The following USP15 variants were observed in gnomAD, a reference collection of about 807,000 sequenced individuals.
USP15 encodes the protein ubiquitin carboxyl-terminal hydrolase 15.
USP15 carries 18 observed loss-of-function variants against 127.1 expected under a neutral mutation model. The observed-to-expected ratio is 0.14, with a 90% confidence interval of 0.10 to 0.21. The LOEUF (loss-of-function observed/expected upper bound fraction) is 0.21, where lower values mean the gene tolerates loss of function less well. Ranked by LOEUF, USP15 falls within the 10% of genes least tolerant of loss-of-function variation. The pLI is 1.00. For missense variants in USP15, 805 were observed against 1,159.9 expected (o/e 0.69, Z 4.44); for synonymous variants, 364 against 393.7 (o/e 0.92, Z 0.89).
At chr12:62,342,872 C>A (rs894475252) in intron 6 of USP15, among the ~76,000 whole-genome samples, 26 of 152,168 alleles carry the variant, frequency 1.7e-4, no homozygotes, top group Non-Finnish European at 3.5e-4. Flanking sequence ...GCAGGAGACA[C>A]GGGATCAGGG....
intron 8 of USP15, among the ~76,000 whole-genome samples, chr12:62,378,146 G>A (rs189051081): frequency 4.6e-5 from 7 of 152,312 alleles, no homozygotes; most frequent in African/African-American, 1.4e-4. Context: ...GGTGGAGGTT[G>A]CAGTGAGCCA....
At chr12:62,322,554 A>G (rs1053335002) in intron 5 of USP15, among the ~76,000 whole-genome samples, 1 of 152,130 alleles carries the variant, frequency 6.6e-6, no homozygotes, top group African/African-American at 2.4e-5. Flanking sequence ...CTCAGCCCTT[A>G]TCTTTCATAG....
At chr12:62,368,014 G>T (rs1250946893) in intron 8 of USP15, among the ~76,000 whole-genome samples, 1 of 152,090 alleles carries the variant, frequency 6.6e-6, no homozygotes, top group Non-Finnish European at 1.5e-5. Context: ...TTGTATCTTT[G>T]TTCTCATTGG....
intron 6 of USP15, chr12:62,328,245 T>G: frequency 2.3e-6 from 1 of 439,084 alleles, no homozygotes; most frequent in Non-Finnish European, 4.5e-6. Context: ...AAAAAGCAGT[T>G]GTTTTTTCTA....
At chr12:62,391,479 AT>A (rs537022916) in intron 16 of USP15, 50 bp downstream of exon 16, 9,806 of 1,284,100 alleles carry the variant, frequency 7.6e-3, no homozygotes, top group South Asian at 0.012. Context: ...CGAGCATGTT[AT>A]TTTTTTTTTA....
At chr12:62,319,542 C>T (rs939067920) in intron 4 of USP15, among the ~76,000 whole-genome samples, 3 of 152,118 alleles carry the variant, frequency 2.0e-5, no homozygotes, top group Non-Finnish European at 4.4e-5. Context: ...ACAGAAGTAC[C>T]TTTATAGTCT....
At chr12:62,393,319 C>G (rs1324219262) in intron 19 of USP15, 117 bp downstream of exon 19, 6 of 1,266,948 alleles carry the variant, frequency 4.7e-6, no homozygotes, top group Non-Finnish European at 6.4e-6. Flanking sequence ...TTTCAGCTTT[C>G]AAGTTTGTTT....
intron 2 of USP15, among the ~76,000 whole-genome samples, chr12:62,299,162 T>C (rs1033698846): frequency 6.6e-6 from 1 of 152,112 alleles, no homozygotes; most frequent in Non-Finnish European, 1.5e-5. Flanking sequence ...CTCACTCTGT[T>C]GCCCAGGCTA....
chr12:62,265,940 A>G (rs2063182242), intron 1 of USP15, among the ~76,000 whole-genome samples: 1 of 150,042 alleles, frequency 6.7e-6, no homozygotes, highest in Non-Finnish European at 1.5e-5. Context: ...AAGGAAGTCT[A>G]TTTTATATTT....
chr12:62,317,915 T>G (rs554848676), intron 4 of USP15, among the ~76,000 whole-genome samples: 34 of 152,340 alleles, frequency 2.2e-4, no homozygotes, highest in South Asian at 1.4e-3. Context: ...ATAATAGTTT[T>G]ATTTTCCTTT....
chr12:62,373,785 T>A (rs1264230444), intron 8 of USP15, among the ~76,000 whole-genome samples: 2 of 151,970 alleles, frequency 1.3e-5, no homozygotes, highest in Non-Finnish European at 2.9e-5. Flanking sequence ...AAATATGTGA[T>A]CTTCAGAATT....
chr12:62,375,217 C>T (rs892377377), intron 8 of USP15, among the ~76,000 whole-genome samples: 8 of 151,974 alleles, frequency 5.3e-5, no homozygotes, highest in East Asian at 1.9e-4. Flanking sequence ...CTTTTCCTTA[C>T]GGATTTATCT....
At chr12:62,321,669 A>G (rs748207262) in intron 5 of USP15, 60 bp downstream of exon 5, 1 of 1,367,774 alleles carries the variant, frequency 7.3e-7, no homozygotes, top group Admixed American at 2.7e-5. Flanking sequence ...CACAAACTTT[A>G]ATAATTATCC....
At chr12:62,386,168 GTTT>G (rs11431206) in intron 11 of USP15, among the ~76,000 whole-genome samples, 1 of 145,290 alleles carries the variant, frequency 6.9e-6, no homozygotes, top group African/African-American at 2.5e-5. Context: ...TGTGTTTTGT[GTTT>G]TTTTTTTTTC....
intron 8 of USP15, among the ~76,000 whole-genome samples, chr12:62,377,354 C>T (rs936040603): frequency 3.9e-5 from 6 of 152,172 alleles, no homozygotes; most frequent in African/African-American, 1.4e-4. Context: ...CTAAGATAGC[C>T]TCATGTGAAA....
At chr12:62,391,129 T>C in intron 15 of USP15, 28 bp from the exon 16 acceptor site, 1 of 1,587,300 alleles carries the variant, frequency 6.3e-7, no homozygotes, top group Non-Finnish European at 8.5e-7. Context: ...ATTGGGTTTA[T>C]TTAAAGCTCT....
In USP15 at chr12:62,413,930, A is replaced by T. The variant is rs909464576; in HGVS notation, c.*9555A>T. The T allele has an allele frequency of 6.6e-6, 1 of 152,130 alleles. No individual in the cohort carries two copies. 9.4% of individuals were successfully genotyped at this position (152,130 alleles called of 1,614,324 possible). On this transcript the variant is annotated 3_prime_UTR_variant, in exon 22 of 22. Coordinates refer to ENST00000280377, the MANE Select transcript of USP15 (RefSeq NM_001252078.2). ...GCATTTGATTGAGAGAGAGAGAGAG[A>T]TGTACAGCTCTTCACCTGAACATTT...
chr12:62,268,939 A>G (rs960078451), intron 1 of USP15, among the ~76,000 whole-genome samples: 1 of 152,076 alleles, frequency 6.6e-6, no homozygotes, highest in African/African-American at 2.4e-5. Flanking sequence ...GCAGCTACTA[A>G]TCTATTTTCT....
chr12:62,320,857 AT>A (rs2064966275), intron 4 of USP15, among the ~76,000 whole-genome samples: 1 of 152,066 alleles, frequency 6.6e-6, no homozygotes, highest in Admixed American at 6.6e-5. Context: ...TCTTGAGTTG[AT>A]TAGGCAAGTT....
Sources: gnomAD v4.1 joint callset for allele counts (sites outside exome capture counted in the v4.1 genomes callset) on GRCh38, gnomAD v4.1.1 for gene constraint, MANE v1.5 for transcripts, NCBI Gene and HGNC (gene_info 2026-07-23, HGNC 2026-07-21) for gene names.